The following CNTN5 variants were observed in gnomAD, a reference collection of about 807,000 sequenced individuals.
The protein encoded by CNTN5 is contactin 5, also known as contactin-5.
In CNTN5, 77 loss-of-function variants were observed where a neutral mutation model predicts 129.1. The observed-to-expected ratio is 0.60, with a 90% CI of 0.50 to 0.72. The LOEUF is 0.72. Among genes scored for constraint, CNTN5 ranks in the 30% least tolerant of loss-of-function variants. The pLI, the probability that CNTN5 is intolerant of heterozygous loss-of-function variation, is 0.00. For missense variants in CNTN5, 1,478 were observed against 1,328.8 expected (o/e 1.11, Z -1.75); for synonymous variants, 509 against 465.6 (o/e 1.09, Z -1.20).
At chr11:99,853,978 C>G (rs1947955273) in intron 6 of CNTN5, among the ~76,000 whole-genome samples, 1 of 152,146 alleles carries the variant, frequency 6.6e-6, no homozygotes, top group Admixed American at 6.5e-5. Context: ...CAACTCAAAA[C>G]ATACTTTGCA....
rs536793822 is a variant in CNTN5 at position 100,312,399 on chromosome 11, G to A, written c.2730+3931G>A. 8.6e-5 allele frequency among the ~76,000 whole-genome samples: 13 copies of A among 151,954 alleles called. No homozygotes were observed. The South Asian group carries it at 2.7e-3, about 32-fold the overall frequency. ...TCCCTCGAAAGAGAGTTCTGCCTCT[G>A]TCCTTCACCAAACACATCTGGAACT... On this transcript the variant is annotated intron_variant, in intron 21 of 24. Transcript: ENST00000524871.
At chr11:100,070,848 C>T (rs1014384717) in intron 11 of CNTN5, among the ~76,000 whole-genome samples, 1 of 152,068 alleles carries the variant, frequency 6.6e-6, no homozygotes. Flanking sequence ...TACAGTGTTT[C>T]TTTAAACTGT....
At chr11:99,309,105 A>G (rs997891944) in intron 1 of CNTN5, among the ~76,000 whole-genome samples, 1 of 152,100 alleles carries the variant, frequency 6.6e-6, no homozygotes, top group Non-Finnish European at 1.5e-5. Context: ...TCTGCTAACT[A>G]CAACATCAGG....
At chr11:99,532,698 T>C (rs1466758687) in intron 2 of CNTN5, among the ~76,000 whole-genome samples, 4 of 152,190 alleles carry the variant, frequency 2.6e-5, no homozygotes, top group Non-Finnish European at 5.9e-5. Flanking sequence ...GTTTCTGCCT[T>C]TCTTTCTTCC....
intron 1 of CNTN5, among the ~76,000 whole-genome samples, chr11:99,281,662 C>G (rs887319526): frequency 1.3e-5 from 2 of 151,914 alleles, no homozygotes; most frequent in Admixed American, 6.6e-5. Context: ...AGTAGTTTCC[C>G]TCTTCTTTTG....
At chr11:99,986,134 A>G (rs978958582) in intron 8 of CNTN5, among the ~76,000 whole-genome samples, 1 of 151,866 alleles carries the variant, frequency 6.6e-6, no homozygotes, top group Non-Finnish European at 1.5e-5. Flanking sequence ...TGTCCATCAT[A>G]CCCTCACATC....
chr11:99,688,039 T>C (rs771476398), intron 3 of CNTN5, among the ~76,000 whole-genome samples: 5 of 152,170 alleles, frequency 3.3e-5, no homozygotes, highest in Admixed American at 1.3e-4. Context: ...AATATGTTGA[T>C]TGGTTAGTAA....
At chr11:99,076,146 C>A (rs990871247) in intron 1 of CNTN5, among the ~76,000 whole-genome samples, 2 of 151,902 alleles carry the variant, frequency 1.3e-5, no homozygotes, top group African/African-American at 4.8e-5. Flanking sequence ...CCAACCTGAC[C>A]AGCATGGTGA....
At chr11:99,145,928 A>T (rs997167894) in intron 1 of CNTN5, among the ~76,000 whole-genome samples, 1 of 152,154 alleles carries the variant, frequency 6.6e-6, no homozygotes, top group Non-Finnish European at 1.5e-5. Context: ...TTACAAAACA[A>T]GTGTAAGTAT....
chr11:99,092,753 G>A (rs967194647), intron 1 of CNTN5, among the ~76,000 whole-genome samples: 5 of 151,904 alleles, frequency 3.3e-5, no homozygotes, highest in African/African-American at 1.2e-4. Context: ...ACATCATGGA[G>A]CCATTTTTGT....
At chr11:99,413,852 A>G (rs918460895) in intron 2 of CNTN5, among the ~76,000 whole-genome samples, 3 of 152,186 alleles carry the variant, frequency 2.0e-5, no homozygotes, top group Non-Finnish European at 4.4e-5. Flanking sequence ...CCTTTTATTT[A>G]TAATCTCAAC....
chr11:99,054,626 C>A (rs139679109), intron 1 of CNTN5, among the ~76,000 whole-genome samples: 271 of 151,850 alleles, frequency 1.8e-3, no homozygotes, highest in African/African-American at 6.3e-3. Context: ...ACAAGCTAAT[C>A]CAAGTATTCC....
At chr11:99,425,778 C>T (rs1396802963) in intron 2 of CNTN5, among the ~76,000 whole-genome samples, 3 of 152,222 alleles carry the variant, frequency 2.0e-5, no homozygotes, top group East Asian at 1.9e-4. Context: ...GTGTGGGGCT[C>T]CTGCCAGCTC....
rs534664871 is a variant in CNTN5, at chr11:99,336,049, C to T, written c.-71+10565C>T. On this transcript the variant is annotated intron_variant, in intron 2 of 24. Coordinates refer to ENST00000524871, the MANE Select transcript of CNTN5 (RefSeq NM_014361.4). ...CCTTATTCTTGGATAAAAAAAAAAA[C>T]TTTTTGTTTTTAGATTGCTGATTTA... Among the ~76,000 whole-genome samples, 75 of 151,148 alleles carry T rather than the reference C, an allele frequency of 5.0e-4. No individual in the cohort carries two copies. In the East Asian group the frequency reaches 0.014, roughly 29 times the overall value.
chr11:100,171,764 C>A (rs184317877), intron 13 of CNTN5, among the ~76,000 whole-genome samples: 1 of 151,822 alleles, frequency 6.6e-6, no homozygotes, highest in African/African-American at 2.4e-5. Flanking sequence ...CTCATTAGTG[C>A]AAAGCCGAAT....
At chr11:99,299,574 T>G (rs1015586821) in intron 1 of CNTN5, among the ~76,000 whole-genome samples, 2 of 152,170 alleles carry the variant, frequency 1.3e-5, no homozygotes, top group African/African-American at 4.8e-5. Flanking sequence ...TGGTCTCCAA[T>G]GTCACTTATT....
intron 13 of CNTN5, among the ~76,000 whole-genome samples, chr11:100,156,937 C>T (rs1017510938): frequency 2.6e-5 from 4 of 151,852 alleles, no homozygotes; most frequent in Non-Finnish European, 5.9e-5. Context: ...TTTAAAAAAC[C>T]AGCTCCTGGA....
chr11:99,432,041 G>A (rs937898052), intron 2 of CNTN5, among the ~76,000 whole-genome samples: 1 of 152,198 alleles, frequency 6.6e-6, no homozygotes, highest in Non-Finnish European at 1.5e-5. Context: ...CACTTTAGGT[G>A]AGAGTAGCTG....
At chr11:100,072,990 C>CAAAAAAAAAAAAAAAAAAAAAAAAAAA (rs61042118) in intron 12 of CNTN5, among the ~76,000 whole-genome samples, 5 of 79,050 alleles carry the variant, frequency 6.3e-5, no homozygotes, top group African/African-American at 2.4e-4. Context: ...TCCCAGGAGG[C>CAAAAAAAAAAAAAAAAAAAAAAAAAAA]AAAAAAAAAA....
Sources: allele counts gnomAD v4.1 joint callset (sites outside exome capture counted in the v4.1 genomes callset), GRCh38; gene constraint gnomAD v4.1.1; transcripts MANE v1.5; gene names NCBI Gene and HGNC (gene_info 2026-07-23, HGNC 2026-07-21).